The following NRXN3 variants were observed in gnomAD, a reference collection of about 807,000 sequenced individuals.
NRXN3 encodes the protein neurexin 3.
In NRXN3, 32 loss-of-function variants were observed where a neutral mutation model predicts 137.6. That is an observed-to-expected ratio of 0.23 (90% CI 0.18 to 0.31). NRXN3 has a LOEUF of 0.31. Among genes scored for constraint, NRXN3 ranks in the 10% least tolerant of loss-of-function variants. NRXN3 has a pLI of 1.00. For missense variants in NRXN3, 1,574 were observed against 2,062.5 expected (o/e 0.76, Z 4.59); for synonymous variants, 798 against 784.5 (o/e 1.02, Z -0.29).
chr14:78,687,716 A>G (rs139950380), intron 6 of NRXN3, among the ~76,000 whole-genome samples: 230 of 152,338 alleles, frequency 1.5e-3, no homozygotes, highest in African/African-American at 5.4e-3. Flanking sequence ...GCTGGTTGAC[A>G]TTGAAAAGGG....
At chr14:79,181,072 A>G (rs2062872187) in intron 15 of NRXN3, among the ~76,000 whole-genome samples, 1 of 151,096 alleles carries the variant, frequency 6.6e-6, no homozygotes, top group Non-Finnish European at 1.5e-5. Flanking sequence ...ATATATATAT[A>G]TATATATATA....
chr14:78,464,127 G>C (rs1198174487), intron 4 of NRXN3, among the ~76,000 whole-genome samples: 1 of 150,176 alleles, frequency 6.7e-6, no homozygotes, highest in African/African-American at 2.5e-5. Context: ...ATCTCAGCTC[G>C]CTGCAGCCTC....
chr14:79,162,662 C>T (rs1046765987), intron 15 of NRXN3, among the ~76,000 whole-genome samples: 1 of 151,866 alleles, frequency 6.6e-6, no homozygotes, highest in Admixed American at 6.6e-5. Context: ...CCATCTCACA[C>T]CAGTTAGAAT....
At chr14:78,665,022 T>C (rs1015113659) in intron 6 of NRXN3, among the ~76,000 whole-genome samples, 3 of 152,214 alleles carry the variant, frequency 2.0e-5, no homozygotes, top group African/African-American at 7.2e-5. Flanking sequence ...TACTCTGTCA[T>C]AAAATCTGTT....
chr14:79,502,478 T>C, intron 16 of NRXN3, among the ~76,000 whole-genome samples: 1 of 152,054 alleles, frequency 6.6e-6, no homozygotes, highest in East Asian at 1.9e-4. Flanking sequence ...CAAGAGAAAC[T>C]GGAAGCAGTT....
chr14:78,296,712 TTAATA>T (rs1474090879), intron 3 of NRXN3, among the ~76,000 whole-genome samples: 5 of 152,226 alleles, frequency 3.3e-5, no homozygotes, highest in African/African-American at 1.2e-4. Context: ...ATCTGTGTAT[TTAATA>T]TATCATTGAT....
intron 19 of NRXN3, among the ~76,000 whole-genome samples, chr14:79,703,935 C>T (rs2098765467): frequency 6.6e-6 from 1 of 152,094 alleles, no homozygotes; most frequent in African/African-American, 2.4e-5. Context: ...TCACAGATCT[C>T]CCTAGAGCTT....
At chr14:79,053,533 C>A (rs1472870244) in intron 15 of NRXN3, among the ~76,000 whole-genome samples, 1 of 152,030 alleles carries the variant, frequency 6.6e-6, no homozygotes, top group African/African-American at 2.4e-5. Context: ...GAGCTAAAAT[C>A]TGAAAGAGGA....
At chr14:79,090,390 G>A (rs186975004) in intron 15 of NRXN3, among the ~76,000 whole-genome samples, 348 of 152,158 alleles carry the variant, frequency 2.3e-3, no homozygotes, top group Non-Finnish European at 3.0e-3. Flanking sequence ...ATCATACATA[G>A]CAAGTTATAT....
At chr14:79,615,823 A>G (rs2098148164) in intron 16 of NRXN3, among the ~76,000 whole-genome samples, 1 of 152,200 alleles carries the variant, frequency 6.6e-6, no homozygotes, top group Non-Finnish European at 1.5e-5. Context: ...TATGGGAACT[A>G]TAGTTCAAGA....
chr14:79,474,253 C>T (rs2096540096), intron 16 of NRXN3, among the ~76,000 whole-genome samples: 2 of 152,006 alleles, frequency 1.3e-5, no homozygotes, highest in Admixed American at 1.3e-4. Context: ...TCTCAAAGAT[C>T]AAGTGAAATA....
chr14:78,511,446 A>G (rs2096106704), intron 4 of NRXN3, among the ~76,000 whole-genome samples: 2 of 152,178 alleles, frequency 1.3e-5, no homozygotes, highest in African/African-American at 4.8e-5. Context: ...TTAATCTCCC[A>G]CTTCTATATG....
intron 15 of NRXN3, among the ~76,000 whole-genome samples, chr14:78,993,671 T>A (rs2099523479): frequency 6.6e-6 from 1 of 152,046 alleles, no homozygotes; most frequent in South Asian, 2.1e-4. Context: ...TCAAAGACCT[T>A]CTAGTCTAAT....
chr14:78,841,381 G>T (rs1203612296), intron 10 of NRXN3, among the ~76,000 whole-genome samples: 1 of 151,896 alleles, frequency 6.6e-6, no homozygotes, highest in Admixed American at 6.6e-5. Context: ...CTTTCACCCG[G>T]GTTCCTGGAG....
intron 4 of NRXN3, among the ~76,000 whole-genome samples, chr14:78,475,191 G>A (rs1175598274): frequency 6.6e-6 from 1 of 151,292 alleles, no homozygotes; most frequent in Non-Finnish European, 1.5e-5. Context: ...GACTGGACAG[G>A]TGTGAAAAAG....
At chr14:78,971,044 G>A (rs911696677) in intron 14 of NRXN3, among the ~76,000 whole-genome samples, 5 of 152,160 alleles carry the variant, frequency 3.3e-5, no homozygotes, top group African/African-American at 9.7e-5. Context: ...AGGAAAAATG[G>A]CCCAAAATGG....
chr14:78,619,461 C>G (rs1286293594), intron 4 of NRXN3, among the ~76,000 whole-genome samples: 3 of 151,958 alleles, frequency 2.0e-5, no homozygotes, highest in Non-Finnish European at 4.4e-5. Context: ...GAAGAGTGCT[C>G]GATATGGTTA....
At chr14:79,828,546 G>T (rs2099312280) in intron 20 of NRXN3, among the ~76,000 whole-genome samples, 1 of 148,214 alleles carries the variant, frequency 6.7e-6, no homozygotes, top group Non-Finnish European at 1.5e-5. Context: ...CTTGAACCCG[G>T]GAGGTGGAGG....
At chr14:78,967,620 A>G (rs559121742) in intron 13 of NRXN3, among the ~76,000 whole-genome samples, 1 of 152,234 alleles carries the variant, frequency 6.6e-6, no homozygotes, top group South Asian at 2.1e-4. Context: ...CGGGAATGTC[A>G]TGCTGTGGGG....
Sources: allele counts gnomAD v4.1 joint callset (sites outside exome capture counted in the v4.1 genomes callset), GRCh38; gene constraint gnomAD v4.1.1; transcripts MANE v1.5; gene names NCBI Gene and HGNC (gene_info 2026-07-23, HGNC 2026-07-21).